DNM3: variants seen among roughly 807,000 people sequenced by gnomAD.
DNM3 encodes the protein dynamin 3.
DNM3 carries 47 observed loss-of-function variants against 101.6 expected under a neutral mutation model. The observed-to-expected ratio is 0.46, with a 90% CI of 0.37 to 0.59. The LOEUF is 0.59. DNM3 is among the 20% of genes least tolerant of loss of function. DNM3 has a pLI of 0.00. For missense variants in DNM3, 849 were observed against 1,085.7 expected, an observed-to-expected ratio of 0.78 and a Z score of 3.06; for synonymous variants, 385 against 387.9, an observed-to-expected ratio of 0.99 and a Z score of 0.09.
At position 172,089,631 on chromosome 1, in the gene DNM3, C is replaced by T. The variant is rs566610856; in HGVS notation, c.1494-3193C>T. ...ATGTTTAAGTTTATGGGGCCAATTG[C>T]TGCAAAAAGATTCTTTAGGTGGAAA... On this transcript the variant is annotated intron_variant, in intron 12 of 20. Coordinates refer to ENST00000627582, the MANE Select transcript of DNM3 (RefSeq NM_015569.5). Among the ~76,000 whole-genome samples the T allele has an allele frequency of 5.9e-5, 9 of 152,232 alleles. No individual in the cohort carries two copies. The South Asian group carries it at 1.9e-3, about 32-fold the overall frequency.
chr1:171,842,108 G>A (rs2031304331), intron 1 of DNM3, among the ~76,000 whole-genome samples: 1 of 152,152 alleles, frequency 6.6e-6, no homozygotes, highest in Non-Finnish European at 1.5e-5. Context: ...GGGAGTCGGG[G>A]GAGGGGTCCG....
chr1:171,922,374 G>T (rs888909317), intron 2 of DNM3, among the ~76,000 whole-genome samples: 8 of 149,518 alleles, frequency 5.4e-5, no homozygotes, highest in Non-Finnish European at 1.2e-4. Context: ...ATGTTTATTT[G>T]CCATTTGTAT....
chr1:171,847,884 C>CTGTGTGTG (rs1337751054), intron 1 of DNM3, among the ~76,000 whole-genome samples: 2 of 42,468 alleles, frequency 4.7e-5, no homozygotes, highest in East Asian at 1.2e-3. Context: ...TAATTACTCT[C>CTGTGTGTG]TCTCTCTCTC....
chr1:172,354,174 GA>G (rs1308891510), intron 17 of DNM3, among the ~76,000 whole-genome samples: 2 of 139,352 alleles, frequency 1.4e-5, no homozygotes, highest in East Asian at 2.3e-4. Flanking sequence ...AATATCTGAA[GA>G]AAAAAAAGGC....
chr1:172,038,454 T>C lies in DNM3; in HGVS notation c.985T>C (p.Leu329=). ...PEDPTRKTKA[L]LQMVQQFAVD... is the part of the protein sequence containing the mutation. Reference sequence around the variant, plus strand: ...AGACCCAACAAGGAAGACCAAAGCATTGCTGCAGTAGGTCACCTTTCCCTT... The same window carrying C: ...AGACCCAACAAGGAAGACCAAAGCACTGCTGCAGTAGGTCACCTTTCCCTT... Residue 329 remains leucine (L), a synonymous_variant, in exon 7 of 21, where the codon TTG becomes CTG. Coordinates refer to ENST00000627582, the MANE Select transcript of DNM3 (RefSeq NM_015569.5). 3 of 1,612,728 alleles carry C rather than the reference T, an allele frequency of 1.9e-6. No homozygotes were observed. The highest frequency in any genetic ancestry group is 2.5e-6 in the Non-Finnish European group (3 of 1,179,256).
intron 5 of DNM3, 77 bp from the exon 6 acceptor site, chr1:172,033,028 A>G: frequency 2.0e-6 from 3 of 1,528,402 alleles, no homozygotes; most frequent in Non-Finnish European, 2.6e-6. Context: ...TACTCTGCCT[A>G]TGTGAGAGCC....
intron 13 of DNM3, among the ~76,000 whole-genome samples, chr1:172,119,408 C>T (rs998806129): frequency 6.6e-6 from 1 of 152,132 alleles, no homozygotes; most frequent in African/African-American, 2.4e-5. Context: ...TTCACCTTTA[C>T]GTTTGACCTT....
At chr1:172,162,484 G>A (rs1332843706) in intron 14 of DNM3, among the ~76,000 whole-genome samples, 10 of 151,926 alleles carry the variant, frequency 6.6e-5, no homozygotes, top group African/African-American at 2.2e-4. Flanking sequence ...CACAAACATG[G>A]AAAGCAGAAA....
intron 4 of DNM3, among the ~76,000 whole-genome samples, chr1:172,015,630 ACTCT>A (rs751062986): frequency 6.6e-5 from 10 of 151,776 alleles, no homozygotes; most frequent in Non-Finnish European, 1.5e-4. Flanking sequence ...TATTCTGTAA[ACTCT>A]CTATAATTGC....
chr1:172,112,590 A>T lies in DNM3; in HGVS notation c.1546-18585A>T, dbSNP rs1397017280. Reference sequence around the variant, plus strand: ...AGTATGTGCCATTCCTGAAAACATAACCAATTCCTGAATGTCAAAGGAATT... The same window carrying T: ...AGTATGTGCCATTCCTGAAAACATATCCAATTCCTGAATGTCAAAGGAATT... On this transcript the variant is annotated intron_variant, in intron 13 of 20. Transcript: ENST00000627582. 3.3e-5 allele frequency among the ~76,000 whole-genome samples: 5 copies of T among 152,158 alleles called. No individual in the cohort carries two copies. In the East Asian group the frequency reaches 9.6e-4, roughly 29 times the overall value.
intron 14 of DNM3, among the ~76,000 whole-genome samples, chr1:172,168,502 A>G (rs187592064): frequency 6.6e-6 from 1 of 152,118 alleles, no homozygotes; most frequent in East Asian, 1.9e-4. Flanking sequence ...AGCTCCAAGT[A>G]TGTGTCCAGA....
chr1:172,033,220 C>A lies in DNM3; in HGVS notation c.804C>A (p.Ile268=). ...FFLSHPAYRH[I]ADRMGTPHLQ... is the part of the protein sequence containing the mutation. ...TTTCCCACCCGGCTTACAGACATAT[C>A]GCTGACCGAATGGGAACCCCACACC... is the stretch of plus-strand genomic sequence containing the variant. The change falls in exon 6 of 21, where the codon ATC becomes ATA. Residue 268 remains isoleucine (I), a synonymous_variant. Transcript: ENST00000627582. 1 of 1,606,774 alleles carries A rather than the reference C, an allele frequency of 6.2e-7. No individual in the cohort carries two copies. The highest frequency in any genetic ancestry group is 8.5e-7 in the Non-Finnish European group (1 of 1,176,568).
At chr1:172,284,625 T>C (rs3850640) in intron 15 of DNM3, among the ~76,000 whole-genome samples, 36,461 of 152,078 alleles carry the variant, frequency 0.24, 4,516 homozygotes, top group African/African-American at 0.31. Context: ...TTATACAGAA[T>C]GACTTTTCAT....
intron 4 of DNM3, among the ~76,000 whole-genome samples, chr1:172,027,170 A>T (rs1452577082): frequency 6.6e-6 from 1 of 152,226 alleles, no homozygotes; most frequent in East Asian, 1.9e-4. Context: ...TATTGACACT[A>T]TGAAGAAACT....
chr1:171,876,883 A>G (rs2035836078), intron 1 of DNM3, among the ~76,000 whole-genome samples: 1 of 152,204 alleles, frequency 6.6e-6, no homozygotes, highest in South Asian at 2.1e-4. Context: ...CAAAGACTTC[A>G]TTTAGGAAGT....
intron 14 of DNM3, among the ~76,000 whole-genome samples, chr1:172,206,723 T>TC (rs2060335878): frequency 6.6e-6 from 1 of 152,090 alleles, no homozygotes; most frequent in South Asian, 2.1e-4. Flanking sequence ...CCTATGGGCC[T>TC]TTTATCTGGG....
chr1:172,308,159 T>C (rs1422506590), intron 15 of DNM3, among the ~76,000 whole-genome samples: 1 of 152,188 alleles, frequency 6.6e-6, no homozygotes, highest in East Asian at 1.9e-4. Flanking sequence ...TTATGTAATA[T>C]CAGGAAAAGA....
intron 1 of DNM3, among the ~76,000 whole-genome samples, chr1:171,905,625 ATGT>A (rs2038757916): frequency 6.6e-6 from 1 of 152,198 alleles, no homozygotes; most frequent in African/African-American, 2.4e-5. Flanking sequence ...TATTTACTTC[ATGT>A]AAGACTAGAT....
chr1:172,328,416 C>T (rs181119276), intron 17 of DNM3, among the ~76,000 whole-genome samples: 1 of 152,124 alleles, frequency 6.6e-6, no homozygotes, highest in Admixed American at 6.5e-5. Context: ...AAATGTGGCA[C>T]ATATACACCA....
Sources: gnomAD v4.1 joint callset for allele counts (sites outside exome capture counted in the v4.1 genomes callset) on GRCh38, gnomAD v4.1.1 for gene constraint, MANE v1.5 for transcripts, NCBI Gene and HGNC (gene_info 2026-07-23, HGNC 2026-07-21) for gene names.